Variants in GRM8 observed in about 807,000 individuals in gnomAD.
The protein encoded by GRM8 is glutamate metabotropic receptor 8, also known as metabotropic glutamate receptor 8.
A neutral mutation model predicts 87.2 loss-of-function variants in GRM8; 47 were observed. The ratio of observed to expected loss-of-function variants is 0.54; its 90% CI spans 0.43 to 0.69. GRM8 has a LOEUF of 0.69. Ranked by LOEUF, GRM8 falls within the 30% of genes least tolerant of loss-of-function variation. GRM8 has a pLI of 0.00. For synonymous variants in GRM8, 396 were observed against 404.5 expected, an observed-to-expected ratio of 0.98 and a Z score of 0.25; for missense variants, 1,019 against 1,139.2, an observed-to-expected ratio of 0.89 and a Z score of 1.52.
intron 3 of GRM8, among the ~76,000 whole-genome samples, chr7:126,937,182 G>T (rs1419470): frequency 0.33 from 50,455 of 152,048 alleles, 8,369 homozygotes; most frequent in Non-Finnish European, 0.35. Context: ...AAACATTCAG[G>T]TAGGGCAGGC....
chr7:127,066,765 T>A (rs1199061096), intron 3 of GRM8, among the ~76,000 whole-genome samples: 1 of 152,190 alleles, frequency 6.6e-6, no homozygotes, highest in Non-Finnish European at 1.5e-5. Flanking sequence ...TTTTGTAAGC[T>A]TTAACAAATC....
At chr7:126,463,352 T>G (rs1439934267) in intron 9 of GRM8, among the ~76,000 whole-genome samples, 1 of 151,612 alleles carries the variant, frequency 6.6e-6, no homozygotes, top group African/African-American at 2.4e-5. Context: ...ATCGTATAAC[T>G]GGTTAGTCAG....
At chr7:126,586,221 A>G (rs554739049) in intron 8 of GRM8, among the ~76,000 whole-genome samples, 3 of 152,338 alleles carry the variant, frequency 2.0e-5, no homozygotes, top group African/African-American at 7.2e-5. Flanking sequence ...GCTCATGGAT[A>G]GGAAAAATCA....
chr7:127,180,365 C>A (rs1466468338), intron 2 of GRM8, among the ~76,000 whole-genome samples: 5 of 151,894 alleles, frequency 3.3e-5, no homozygotes, highest in African/African-American at 1.2e-4. Flanking sequence ...TTTTAAATTA[C>A]CAACACAAAA....
At chr7:126,513,672 A>G (rs1768986735) in intron 9 of GRM8, among the ~76,000 whole-genome samples, 1 of 152,110 alleles carries the variant, frequency 6.6e-6, no homozygotes, top group Non-Finnish European at 1.5e-5. Context: ...CCTTACTTTT[A>G]TACTTAGGTA....
At chr7:126,470,263 A>G (rs981006627) in intron 9 of GRM8, among the ~76,000 whole-genome samples, 3 of 151,732 alleles carry the variant, frequency 2.0e-5, no homozygotes, top group African/African-American at 7.3e-5. Context: ...ATACGTATAC[A>G]TGTGCCATGC....
chr7:127,165,379 T>C (rs896496796), intron 2 of GRM8, among the ~76,000 whole-genome samples: 1 of 151,536 alleles, frequency 6.6e-6, no homozygotes, highest in African/African-American at 2.4e-5. Flanking sequence ...TAAATATATA[T>C]CAAAAGCTTT....
chr7:127,223,421 G>A (rs1587318403), intron 2 of GRM8, among the ~76,000 whole-genome samples: 3 of 147,766 alleles, frequency 2.0e-5, no homozygotes, highest in South Asian at 2.2e-4. Flanking sequence ...CACTCTACTC[G>A]AAACACACCA....
chr7:126,607,976 C>T (rs1212054006), intron 8 of GRM8, among the ~76,000 whole-genome samples: 1 of 151,636 alleles, frequency 6.6e-6, no homozygotes, highest in Non-Finnish European at 1.5e-5. Context: ...GGAAGAGATG[C>T]TGGATGAATG....
chr7:126,625,946 T>G (rs1800631592), intron 7 of GRM8, among the ~76,000 whole-genome samples: 1 of 152,056 alleles, frequency 6.6e-6, no homozygotes, highest in Non-Finnish European at 1.5e-5. Flanking sequence ...AGAAATCCTC[T>G]TTTCATCTTA....
chr7:127,032,987 C>T (rs755881227), intron 3 of GRM8, among the ~76,000 whole-genome samples: 1 of 149,530 alleles, frequency 6.7e-6, no homozygotes, highest in African/African-American at 2.5e-5. Flanking sequence ...TCTCCAGAAA[C>T]TACCCTGAGG....
chr7:127,075,937 G>T, intron 3 of GRM8: 1 of 320,942 alleles, frequency 3.1e-6, no homozygotes, highest in Non-Finnish European at 6.1e-6. Context: ...CCACCCAAGA[G>T]CACCCAGCAG....
In GRM8 at chr7:127,085,643, G is replaced by A. The variant is rs946634522; in HGVS notation, c.727+20853C>T. 3.9e-5 allele frequency among the ~76,000 whole-genome samples: 6 copies of A among 152,076 alleles called. No homozygotes were observed. In the East Asian group the frequency reaches 5.8e-4, roughly 15 times the overall value. ...GTGTCAGTTCGTATCCTTTACCCAC[G>A]TTTTGATGGGGTTGTTTTTTCTTGT... On this transcript the variant is annotated intron_variant, in intron 3 of 10. Transcript: ENST00000339582.
chr7:127,003,752 G>A lies in GRM8; in HGVS notation c.728-99069C>T, dbSNP rs190558021. ...GTTTTGAAAATGACCAATCCAGCAT[G>A]AGCCAGCATGGGTCAGCATAGGATA... On this transcript the variant is annotated intron_variant, in intron 3 of 10. Coordinates refer to ENST00000339582, the MANE Select transcript of GRM8 (RefSeq NM_000845.3). Among the ~76,000 whole-genome samples, 8 of 151,810 alleles carry A rather than the reference G, an allele frequency of 5.3e-5. No individual in the cohort carries two copies. In the East Asian group the frequency reaches 5.8e-4, roughly 11 times the overall value.
At chr7:126,492,315 T>C (rs868386969) in intron 9 of GRM8, among the ~76,000 whole-genome samples, 19 of 152,110 alleles carry the variant, frequency 1.2e-4, no homozygotes, top group Admixed American at 2.6e-4. Flanking sequence ...CCTCACAAAT[T>C]GCTGGGATTA....
chr7:126,535,474 A>G (rs1270871360), intron 8 of GRM8, among the ~76,000 whole-genome samples: 1 of 152,200 alleles, frequency 6.6e-6, no homozygotes. Flanking sequence ...TGAAGCAGCA[A>G]TTATAGCTCC....
intron 7 of GRM8, among the ~76,000 whole-genome samples, chr7:126,727,739 A>ACACACACACACC (rs1410017859): frequency 2.7e-4 from 39 of 145,614 alleles, no homozygotes; most frequent in African/African-American, 9.8e-4. Context: ...ACACACACAC[A>ACACACACACACC]CCCCTAAAAA....
intron 8 of GRM8, among the ~76,000 whole-genome samples, chr7:126,581,373 A>G (rs2151013228): frequency 6.6e-6 from 1 of 152,210 alleles, no homozygotes; most frequent in East Asian, 1.9e-4. Flanking sequence ...ATGCCCAGTA[A>G]TTGCTTATCC....
intron 7 of GRM8, among the ~76,000 whole-genome samples, chr7:126,745,546 A>G (rs186244899): frequency 6.6e-5 from 10 of 151,738 alleles, no homozygotes; most frequent in African/African-American, 2.2e-4. Flanking sequence ...AAATTATTCA[A>G]TCGCATCTGC....
Sources: gnomAD v4.1 joint callset for allele counts (sites outside exome capture counted in the v4.1 genomes callset) on GRCh38, gnomAD v4.1.1 for gene constraint, MANE v1.5 for transcripts, NCBI Gene and HGNC (gene_info 2026-07-23, HGNC 2026-07-21) for gene names.